MIP: variants seen among roughly 807,000 people sequenced by gnomAD.
MIP encodes lens fiber major intrinsic protein.
Under a neutral mutation model 21.8 loss-of-function variants are expected in MIP, and 14 were observed. The observed-to-expected ratio is 0.64, with a 90% CI of 0.42 to 1.00. The LOEUF is 1.00. Ranked by LOEUF, MIP falls within the 50% of genes least tolerant of loss-of-function variation. The pLI, the probability that MIP is intolerant of heterozygous loss-of-function variation, is 0.00. For synonymous variants in MIP, 133 were observed against 141.4 expected (o/e 0.94, Z 0.42); for missense variants, 260 against 333.5 (o/e 0.78, Z 1.72).
Position 56,453,665 on chromosome 12 carries a change from C to T in MIP, c.451G>A (p.Glu151Lys), listed in dbSNP as rs1007727858. ...GAGCCCAGTTGGCCATTCCGCCTCTCGTCGTATGTGGCAAAGATGCAGAGC... is the reference window on the plus strand; with the variant it reads ...GAGCCCAGTTGGCCATTCCGCCTCTTGTCGTATGTGGCAAAGATGCAGAGC... ...FVLCIFATYD[E>K]RRNGQLGSVA... Residue 151 changes from glutamate to lysine, a missense_variant, in exon 2 of 4, where the codon GAG becomes AAG. Physicochemically the swap from Glu to Lys is moderately conservative, Grantham distance 56. Coordinates refer to ENST00000652304, the MANE Select transcript of MIP (RefSeq NM_012064.4). 21 of 1,614,224 alleles carry T rather than the reference C, an allele frequency of 1.3e-5. No individual in the cohort carries two copies. Among genetic ancestry groups the T allele is most frequent in the Admixed American group, 1.0e-4 (6 of 60,036 alleles).
chr12:56,451,442 A>G lies in MIP; in HGVS notation c.630T>C (p.Ile210=). The G allele has an allele frequency of 1.2e-6, 2 of 1,614,158 alleles. No individual in the cohort carries two copies. Among genetic ancestry groups the G allele is most frequent in the Non-Finnish European group, 8.5e-7 (1 of 1,180,018 alleles). ...ACAGGAGGCTGCCCAGACCCCCTCC[A>G]ATGATTGGGCCTACCCAGTACACCT... ...NHWVYWVGPI[I]GGGLGSLLYD... Residue 210 remains isoleucine, a synonymous_variant, in exon 4 of 4, where the codon ATT becomes ATC. Transcript: ENST00000652304.
chr12:56,456,096 T>C (rs974587770), upstream of MIP, among the ~76,000 whole-genome samples: 6 of 152,166 alleles, frequency 3.9e-5, no homozygotes, highest in Admixed American at 2.6e-4. Context: ...CTAGAAGTCA[T>C]TGGAATCTCC....
At chr12:56,454,782 C>G, upstream of MIP, 1 of 742,610 alleles carries the variant, frequency 1.3e-6, no homozygotes, top group Non-Finnish European at 2.1e-6. Context: ...CCCTCCCCTA[C>G]ATGGTAAAAA....
chr12:56,455,715 G>A (rs2136167694), upstream of MIP, among the ~76,000 whole-genome samples: 1 of 152,268 alleles, frequency 6.6e-6, no homozygotes, highest in South Asian at 2.1e-4. Flanking sequence ...CCTAGGCGTG[G>A]GGTTGTGTGG....
At chr12:56,453,896 A>G (rs1868705847) in intron 1 of MIP, 141 bp from the exon 2 acceptor site, 14 of 873,196 alleles carry the variant, frequency 1.6e-5, no homozygotes, top group Non-Finnish European at 2.4e-5. Flanking sequence ...TAATCATTGT[A>G]TTTGCATCTT....
chr12:56,456,272 G>A (rs1418743717), upstream of MIP, among the ~76,000 whole-genome samples: 3 of 152,136 alleles, frequency 2.0e-5, no homozygotes, highest in African/African-American at 7.2e-5. Context: ...AAGAGAGAGG[G>A]TAGCACATCA....
upstream of MIP, among the ~76,000 whole-genome samples, chr12:56,455,795 C>T (rs575329391): frequency 6.6e-6 from 1 of 152,200 alleles, no homozygotes; most frequent in African/African-American, 2.4e-5. Flanking sequence ...GTCATACCGG[C>T]CACAAACTTT....
chr12:56,453,907 AC>A (rs1565694574), intron 1 of MIP, 152 bp from the exon 2 acceptor site: 1 of 829,278 alleles, frequency 1.2e-6, no homozygotes, highest in Non-Finnish European at 1.9e-6. Context: ...TTTGCATCTT[AC>A]CATCTCCTAA....
At chr12:56,452,285 G>GAA (rs1868645550) in intron 3 of MIP, among the ~76,000 whole-genome samples, 1 of 152,038 alleles carries the variant, frequency 6.6e-6, no homozygotes, top group Non-Finnish European at 1.5e-5. Flanking sequence ...TACAGTATTT[G>GAA]TCTTTTTGTG....
upstream of MIP, among the ~76,000 whole-genome samples, chr12:56,456,202 TG>T (rs1442831668): frequency 6.6e-6 from 1 of 152,178 alleles, no homozygotes; most frequent in African/African-American, 2.4e-5. Flanking sequence ...TCACCACTGC[TG>T]GCCTCAGGAA....
chr12:56,452,880 C>A, intron 3 of MIP, 192 bp downstream of exon 3: 1 of 634,334 alleles, frequency 1.6e-6, no homozygotes. Context: ...AAAATATGAG[C>A]AAGAGCCTCT....
At position 56,450,172 on chromosome 12, in the gene MIP, A is replaced by T. The variant is rs1868543427; in HGVS notation, c.*1108T>A. On this transcript the variant is annotated 3_prime_UTR_variant, in exon 4 of 4. Coordinates refer to ENST00000652304, the MANE Select transcript of MIP (RefSeq NM_012064.4). ...TTGCTTCAAGATGAAAGGACGGATG[A>T]CAGAGAAATGAAAATACACAGACAC... 1.3e-5 allele frequency: 2 copies of T among 152,246 alleles called. No homozygotes were observed. The highest frequency in any genetic ancestry group is 4.8e-5 in the African/African-American group (2 of 41,468). The allele number at this position is 152,246 out of a possible 1,614,324, so 9.4% of individuals were successfully genotyped here.
At chr12:56,451,518 C>T (rs1346096311) in intron 3 of MIP, 53 bp from the exon 4 acceptor site, 10 of 1,520,016 alleles carry the variant, frequency 6.6e-6, no homozygotes, top group Middle Eastern at 2.0e-4. Context: ...AGAGTAGCAA[C>T]GCTGCTCTTT....
upstream of MIP, among the ~76,000 whole-genome samples, chr12:56,456,479 A>C (rs1272987602): frequency 6.6e-6 from 1 of 152,080 alleles, no homozygotes; most frequent in Non-Finnish European, 1.5e-5. Context: ...TCTACTAAAA[A>C]TACGAAAAAT....
chr12:56,451,622 T>C (rs1868622815), intron 3 of MIP, among the ~76,000 whole-genome samples, 157 bp from the exon 4 acceptor site: 1 of 152,242 alleles, frequency 6.6e-6, no homozygotes, highest in Non-Finnish European at 1.5e-5. Flanking sequence ...TACTCCTTTA[T>C]CCCACACCTT....
intron 2 of MIP, 25 bp downstream of exon 2, chr12:56,453,566 A>G: frequency 6.2e-7 from 1 of 1,614,214 alleles, no homozygotes; most frequent in Non-Finnish European, 8.5e-7. Context: ...TCCTTGAATG[A>G]GAAGTTGCTC....
upstream of MIP, chr12:56,454,696 C>T (rs572507411): frequency 6.4e-6 from 10 of 1,569,224 alleles, no homozygotes; most frequent in Non-Finnish European, 8.7e-6. Flanking sequence ...ATAGAGGACT[C>T]TTAATCCCTG....
chr12:56,451,813 A>G (rs1282419143), intron 3 of MIP, among the ~76,000 whole-genome samples: 2 of 152,134 alleles, frequency 1.3e-5, no homozygotes, highest in Non-Finnish European at 2.9e-5. Context: ...GGATCACAAG[A>G]CGGGCGGATC....
intron 3 of MIP, chr12:56,452,754 T>C: frequency 2.5e-6 from 1 of 406,830 alleles, no homozygotes; most frequent in Non-Finnish European, 4.7e-6. Context: ...TCACAACACA[T>C]CTTGATCTCT....
Sources: gnomAD v4.1 joint callset for allele counts (sites outside exome capture counted in the v4.1 genomes callset) on GRCh38, gnomAD v4.1.1 for gene constraint, MANE v1.5 for transcripts, NCBI Gene and HGNC (gene_info 2026-07-23, HGNC 2026-07-21) for gene names.